The following STK4 variants were observed in gnomAD, a reference collection of about 807,000 sequenced individuals.
STK4 encodes the protein serine/threonine-protein kinase 4.
A neutral mutation model predicts 64.9 loss-of-function variants in STK4; 30 were observed. The ratio of observed to expected loss-of-function variants is 0.46; its 90% confidence interval spans 0.35 to 0.63. STK4 has a LOEUF of 0.63. Among genes scored for constraint, STK4 ranks in the 20% least tolerant of loss-of-function variants. The pLI, the probability that STK4 is intolerant of heterozygous loss-of-function variation, is 0.01. For synonymous variants in STK4, 177 were observed against 199.0 expected, an observed-to-expected ratio of 0.89 and a Z score of 0.93; for missense variants, 466 against 598.5, an observed-to-expected ratio of 0.78 and a Z score of 2.31.
intron 2 of STK4, among the ~76,000 whole-genome samples, chr20:44,976,584 G>A (rs1320126892): frequency 6.6e-6 from 1 of 152,202 alleles, no homozygotes; most frequent in Non-Finnish European, 1.5e-5. Flanking sequence ...CAACAACAGT[G>A]CTGAGGGAAA....
At chr20:44,994,123 A>G (rs1158435068) in intron 5 of STK4, among the ~76,000 whole-genome samples, 1 of 152,002 alleles carries the variant, frequency 6.6e-6, no homozygotes, top group Non-Finnish European at 1.5e-5. Flanking sequence ...TCTTTAGCCC[A>G]TAAACTAAGA....
chr20:44,987,498 T>C (rs1402670125), intron 5 of STK4, among the ~76,000 whole-genome samples: 1 of 152,218 alleles, frequency 6.6e-6, no homozygotes, highest in Non-Finnish European at 1.5e-5. Flanking sequence ...AGCTTAACTT[T>C]GTTCAACTTT....
intron 3 of STK4, among the ~76,000 whole-genome samples, chr20:44,978,839 CCCAGG>C (rs1341314302): frequency 2.7e-5 from 4 of 149,238 alleles, no homozygotes; most frequent in African/African-American, 9.9e-5. Context: ...CGCTCTGTCG[CCCAGG>C]CTGGGGTGCA....
At chr20:45,071,711 A>AGATTAT (rs1448253847) in intron 10 of STK4, among the ~76,000 whole-genome samples, 1 of 152,192 alleles carries the variant, frequency 6.6e-6, no homozygotes, top group Admixed American at 6.5e-5. Flanking sequence ...CATGTTTATC[A>AGATTAT]AACTTGAGGA....
intron 9 of STK4, among the ~76,000 whole-genome samples, chr20:45,009,121 TGTGAAGGGTATC>T (rs1357949444): frequency 6.6e-6 from 1 of 152,178 alleles, no homozygotes; most frequent in Admixed American, 6.5e-5. Flanking sequence ...AGGCCAATGT[TGTGAAGGGTATC>T]GCCTAGGTTT....
chr20:45,008,332 G>A (rs1331130216), intron 9 of STK4, among the ~76,000 whole-genome samples: 1 of 152,206 alleles, frequency 6.6e-6, no homozygotes, highest in Admixed American at 6.5e-5. Flanking sequence ...TGGGATTACA[G>A]GCGTTAGCCA....
intron 5 of STK4, among the ~76,000 whole-genome samples, chr20:44,987,672 C>T (rs1003788983): frequency 6.6e-6 from 1 of 151,964 alleles, no homozygotes; most frequent in African/African-American, 2.4e-5. Context: ...TAGTACTTGG[C>T]AGTTACTGTA....
intron 7 of STK4, among the ~76,000 whole-genome samples, chr20:44,999,367 A>T (rs1230779675): frequency 3.3e-5 from 5 of 152,230 alleles, no homozygotes; most frequent in Admixed American, 3.3e-4. Context: ...CCTGTGTTGC[A>T]TTCTGACCAC....
At chr20:45,002,150 T>C (rs909037230) in intron 9 of STK4, among the ~76,000 whole-genome samples, 1 of 152,248 alleles carries the variant, frequency 6.6e-6, no homozygotes, top group African/African-American at 2.4e-5. Context: ...GTTATTTTCA[T>C]TGACTCTGAG....
At chr20:45,066,205 C>CACACAT (rs1229413508) in intron 10 of STK4, among the ~76,000 whole-genome samples, 1 of 151,864 alleles carries the variant, frequency 6.6e-6, no homozygotes, top group African/African-American at 2.4e-5. Flanking sequence ...CACACACACA[C>CACACAT]ACACACACAG....
At chr20:45,057,473 C>A (rs1168059019) in intron 10 of STK4, among the ~76,000 whole-genome samples, 1 of 152,130 alleles carries the variant, frequency 6.6e-6, no homozygotes, top group African/African-American at 2.4e-5. Flanking sequence ...TTAGAACTTA[C>A]GTAGTTTTAA....
intron 1 of STK4, among the ~76,000 whole-genome samples, chr20:44,970,351 T>C (rs1485498711): frequency 6.6e-6 from 1 of 152,208 alleles, no homozygotes; most frequent in Admixed American, 6.5e-5. Flanking sequence ...GTTGAAATAG[T>C]GACTTTTGCA....
At chr20:44,995,280 A>C (rs780057159) in intron 6 of STK4, 23 bp downstream of exon 6, 1 of 1,595,786 alleles carries the variant, frequency 6.3e-7, no homozygotes, top group African/African-American at 1.3e-5. Flanking sequence ...ACAGAAAGCC[A>C]GTGGGGTGGT....
intron 2 of STK4, among the ~76,000 whole-genome samples, chr20:44,973,595 C>T (rs2145634458): frequency 6.6e-6 from 1 of 152,306 alleles, no homozygotes; most frequent in East Asian, 1.9e-4. Context: ...GCATAATTGA[C>T]TATGTAACTT....
chr20:45,007,463 C>T (rs2067967651), intron 9 of STK4, among the ~76,000 whole-genome samples: 1 of 152,120 alleles, frequency 6.6e-6, no homozygotes, highest in South Asian at 2.1e-4. Flanking sequence ...AGGAGAATAG[C>T]TTGAACCCAG....
chr20:45,017,227 C>A (rs1170694268), intron 9 of STK4, among the ~76,000 whole-genome samples: 2 of 152,174 alleles, frequency 1.3e-5, no homozygotes, highest in Non-Finnish European at 1.5e-5. Flanking sequence ...TTGTCATTAT[C>A]ATTATCTAAT....
At chr20:45,016,275 C>T (rs765104504) in intron 9 of STK4, among the ~76,000 whole-genome samples, 3 of 152,168 alleles carry the variant, frequency 2.0e-5, no homozygotes, top group Non-Finnish European at 4.4e-5. Flanking sequence ...TACACATGAG[C>T]CTTCTTTTGT....
intron 10 of STK4, among the ~76,000 whole-genome samples, chr20:45,037,085 C>A (rs1425985778): frequency 6.6e-6 from 1 of 152,080 alleles, no homozygotes; most frequent in Non-Finnish European, 1.5e-5. Context: ...TACTGTGTGG[C>A]ATTTTTCTAG....
intron 10 of STK4, among the ~76,000 whole-genome samples, chr20:45,052,296 A>G (rs1480502156): frequency 6.6e-6 from 1 of 152,100 alleles, no homozygotes; most frequent in Non-Finnish European, 1.5e-5. Context: ...AGCAATAATA[A>G]TTACATTTTA....
Sources: gnomAD v4.1 joint callset for allele counts (sites outside exome capture counted in the v4.1 genomes callset) on GRCh38, gnomAD v4.1.1 for gene constraint, MANE v1.5 for transcripts, NCBI Gene and HGNC (gene_info 2026-07-23, HGNC 2026-07-21) for gene names.